The following BCAS4 variants were observed in gnomAD, a reference collection of about 807,000 sequenced individuals.
BCAS4 encodes breast carcinoma amplified sequence 4, also known as breast carcinoma-amplified sequence 4.
BCAS4 carries 9 observed loss-of-function variants against 15.7 expected under a neutral mutation model. The observed-to-expected ratio is 0.57, with a 90% CI of 0.34 to 1.00. The LOEUF (loss-of-function observed/expected upper bound fraction) is 1.00, where lower values mean the gene tolerates loss of function less well. Ranked by LOEUF, BCAS4 falls within the 50% of genes least tolerant of loss-of-function variation. BCAS4 has a pLI of 0.02. For synonymous variants in BCAS4, 101 were observed against 99.5 expected (o/e 1.02, Z -0.09); for missense variants, 225 against 239.1 (o/e 0.94, Z 0.39).
At chr20:50,807,629 C>T (rs2088008209) in intron 1 of BCAS4, among the ~76,000 whole-genome samples, 1 of 152,200 alleles carries the variant, frequency 6.6e-6, no homozygotes, top group African/African-American at 2.4e-5. Flanking sequence ...GAGTACATGG[C>T]ACCCAATGTG....
intron 4 of BCAS4, among the ~76,000 whole-genome samples, chr20:50,855,529 C>A (rs1978708469): frequency 6.6e-6 from 1 of 152,148 alleles, no homozygotes; most frequent in Non-Finnish European, 1.5e-5. Context: ...CCACCTGCAT[C>A]TCTGGCTCCT....
At chr20:50,858,324 G>A (rs982085057) in intron 4 of BCAS4, among the ~76,000 whole-genome samples, 35 of 152,104 alleles carry the variant, frequency 2.3e-4, no homozygotes, top group African/African-American at 7.2e-4. Context: ...AATGCTGGAC[G>A]GGCATGGTGG....
At chr20:50,815,397 C>T (rs939225967) in intron 1 of BCAS4, among the ~76,000 whole-genome samples, 4 of 152,210 alleles carry the variant, frequency 2.6e-5, no homozygotes, top group Non-Finnish European at 5.9e-5. Flanking sequence ...CTCCCAGGAT[C>T]TCTCCATCAC....
At chr20:50,814,900 G>C (rs1276810867) in intron 1 of BCAS4, among the ~76,000 whole-genome samples, 1 of 152,150 alleles carries the variant, frequency 6.6e-6, no homozygotes, top group Non-Finnish European at 1.5e-5. Context: ...ATGAGGCCAG[G>C]AGCTTGAGAC....
At chr20:50,817,022 C>T (rs751011611) in intron 1 of BCAS4, among the ~76,000 whole-genome samples, 1 of 150,968 alleles carries the variant, frequency 6.6e-6, no homozygotes, top group African/African-American at 2.4e-5. Context: ...AGAATGGTGT[C>T]GATCTCCTGA....
At chr20:50,817,048 G>T (rs62202843) in intron 1 of BCAS4, among the ~76,000 whole-genome samples, 4,830 of 151,124 alleles carry the variant, frequency 0.032, 105 homozygotes, top group Non-Finnish European at 0.045. Context: ...TGATCTGCCC[G>T]CCTCAGCCTC....
chr20:50,795,664 C>T (rs1172931408), intron 1 of BCAS4, among the ~76,000 whole-genome samples: 3 of 152,236 alleles, frequency 2.0e-5, no homozygotes. Context: ...CTCTACCTTC[C>T]GGCTGGAGGC....
At chr20:50,871,219 C>G (rs1979625000) in intron 4 of BCAS4, among the ~76,000 whole-genome samples, 1 of 152,218 alleles carries the variant, frequency 6.6e-6, no homozygotes, top group Non-Finnish European at 1.5e-5. Context: ...CGAGGGGACC[C>G]CAGCTCCAGT....
rs1979983091 is a variant in BCAS4, at chr20:50,876,903, G to A, written c.*295G>A. The A allele has an allele frequency of 8.5e-6, 2 of 234,390 alleles. No homozygotes were observed. The highest frequency in any genetic ancestry group is 5.2e-5 in the Admixed American group (1 of 19,196). 14.5% of individuals were successfully genotyped at this position (234,390 alleles called of 1,614,324 possible). On this transcript the variant is annotated 3_prime_UTR_variant, in exon 5 of 5. Transcript: ENST00000371608. ...TGAGACCACAGGGTTTGGAGAAGCA[G>A]TTGGAACCCACGTGTGGTGATGCCT...
At chr20:50,798,138 A>G (rs563282570) in intron 1 of BCAS4, among the ~76,000 whole-genome samples, 5 of 151,694 alleles carry the variant, frequency 3.3e-5, no homozygotes, top group Non-Finnish European at 7.4e-5. Context: ...TCTACTAAAC[A>G]TACAAAAATT....
intron 1 of BCAS4, among the ~76,000 whole-genome samples, chr20:50,817,348 C>T (rs1037495999): frequency 1.3e-5 from 2 of 152,226 alleles, no homozygotes; most frequent in African/African-American, 2.4e-5. Context: ...TCCAAAGAAA[C>T]TATGGGATGC....
intron 2 of BCAS4, among the ~76,000 whole-genome samples, chr20:50,823,312 C>G (rs1226570112): frequency 6.6e-6 from 1 of 152,074 alleles, no homozygotes; most frequent in Non-Finnish European, 1.5e-5. Context: ...TGCACTCCAG[C>G]CTCGGTGACA....
chr20:50,856,909 C>T (rs1009574159), intron 4 of BCAS4, among the ~76,000 whole-genome samples: 4 of 152,196 alleles, frequency 2.6e-5, no homozygotes, highest in African/African-American at 9.7e-5. Context: ...ATTTTCAAGC[C>T]TCCTTGTAAG....
rs987122773 is a variant in BCAS4 at position 50,806,705 on chromosome 20, T to A, written c.91-11506T>A. 8.4e-4 allele frequency among the ~76,000 whole-genome samples: 127 copies of A among 151,872 alleles called. 1 individual carries two copies. Among genetic ancestry groups the A allele is most frequent in the African/African-American group, 2.9e-3 (122 of 41,464 alleles). ...TTTTTCTTAAATTTTATTATTATTA[T>A]TTTTTAATTTTTGGGGGTATATAGT... On this transcript the variant is annotated intron_variant, in intron 1 of 4. Transcript: ENST00000371608.
chr20:50,852,073 C>A (rs1978459868), intron 4 of BCAS4, among the ~76,000 whole-genome samples: 1 of 152,238 alleles, frequency 6.6e-6, no homozygotes, highest in African/African-American at 2.4e-5. Context: ...CTTGGTTCAT[C>A]CCCAGGCCAC....
At chr20:50,872,694 G>A (rs1165698647) in intron 4 of BCAS4, among the ~76,000 whole-genome samples, 1 of 152,206 alleles carries the variant, frequency 6.6e-6, no homozygotes, top group Non-Finnish European at 1.5e-5. Context: ...GTTTTGGTCT[G>A]AAGAGGAAAC....
intron 1 of BCAS4, among the ~76,000 whole-genome samples, chr20:50,816,595 C>G (rs1244128880): frequency 1.3e-5 from 2 of 152,156 alleles, no homozygotes; most frequent in African/African-American, 4.8e-5. Context: ...CCTCTCAGAT[C>G]ACAAGCCTGA....
chr20:50,798,501 C>T (rs2087892449), intron 1 of BCAS4, among the ~76,000 whole-genome samples: 1 of 152,032 alleles, frequency 6.6e-6, no homozygotes, highest in Admixed American at 6.6e-5. Flanking sequence ...ATAGTGAGGC[C>T]CCCGTCTCTA....
At chr20:50,875,916 GTCC>G (rs1331514121) in intron 4 of BCAS4, 15 of 455,732 alleles carry the variant, frequency 3.3e-5, no homozygotes, top group Non-Finnish European at 6.2e-5. Flanking sequence ...TGCTTTCTTA[GTCC>G]TCCTCTGCCA....
Sources: allele counts gnomAD v4.1 joint callset (sites outside exome capture counted in the v4.1 genomes callset), GRCh38; gene constraint gnomAD v4.1.1; transcripts MANE v1.5; gene names NCBI Gene and HGNC (gene_info 2026-07-23, HGNC 2026-07-21).